Variants in NEO1 observed in about 807,000 individuals in gnomAD.
NEO1 encodes neogenin.
NEO1 carries 63 observed loss-of-function variants against 159.7 expected under a neutral mutation model. The ratio of observed to expected loss-of-function variants is 0.39; its 90% confidence interval spans 0.32 to 0.49. The LOEUF (loss-of-function observed/expected upper bound fraction) is 0.49. Ranked by LOEUF, NEO1 falls within the 20% of genes least tolerant of loss-of-function variation. The pLI, the probability that NEO1 is intolerant of heterozygous loss-of-function variation, is 0.85. For synonymous variants in NEO1, 633 were observed against 662.0 expected (o/e 0.96, Z 0.67); for missense variants, 1,615 against 1,831.0 (o/e 0.88, Z 2.15).
chr15:73,266,458 T>A, intron 16 of NEO1, 47 bp downstream of exon 16: 4 of 1,449,916 alleles, frequency 2.8e-6, no homozygotes, highest in Non-Finnish European at 3.8e-6. Flanking sequence ...TCCTAGCAGC[T>A]TAGGCAGAAT....
At chr15:73,140,282 G>A (rs193145809) in intron 5 of NEO1, among the ~76,000 whole-genome samples, 44 of 152,242 alleles carry the variant, frequency 2.9e-4, no homozygotes, top group African/African-American at 1.0e-3. Context: ...CTGGCTAGGC[G>A]CAGTGACTCA....
At chr15:73,194,237 A>G (rs1166796954) in intron 7 of NEO1, among the ~76,000 whole-genome samples, 1 of 152,202 alleles carries the variant, frequency 6.6e-6, no homozygotes, top group Non-Finnish European at 1.5e-5. Flanking sequence ...TTTTGTACCA[A>G]ATCAGATGTG....
chr15:73,164,155 G>A (rs1291961356), intron 5 of NEO1, among the ~76,000 whole-genome samples: 1 of 149,274 alleles, frequency 6.7e-6, no homozygotes, highest in East Asian at 2.0e-4. Context: ...AGCCTCCCAA[G>A]TAGCTGGGAT....
At chr15:73,237,494 G>A (rs931261113) in intron 8 of NEO1, among the ~76,000 whole-genome samples, 2 of 152,182 alleles carry the variant, frequency 1.3e-5, no homozygotes, top group Admixed American at 6.5e-5. Context: ...GCTAAGATAC[G>A]TGTTTTAGTA....
intron 8 of NEO1, among the ~76,000 whole-genome samples, chr15:73,241,116 A>G (rs941230785): frequency 6.6e-6 from 1 of 152,308 alleles, no homozygotes; most frequent in Middle Eastern, 3.4e-3. Context: ...TCTTATGGGT[A>G]CCTGAGTTGC....
chr15:73,242,193 G>A (rs979367215), intron 8 of NEO1, among the ~76,000 whole-genome samples: 4 of 152,124 alleles, frequency 2.6e-5, no homozygotes, highest in Admixed American at 2.6e-4. Flanking sequence ...CTCTCAGAGA[G>A]CCTTTAGTTT....
At chr15:73,132,080 T>C (rs1456148902) in intron 4 of NEO1, among the ~76,000 whole-genome samples, 1 of 152,246 alleles carries the variant, frequency 6.6e-6, no homozygotes, top group Non-Finnish European at 1.5e-5. Context: ...CTTCTATGTC[T>C]GTGTTTCCCA....
At chr15:73,218,614 G>A (rs1275058253) in intron 7 of NEO1, among the ~76,000 whole-genome samples, 2 of 151,784 alleles carry the variant, frequency 1.3e-5, no homozygotes, top group African/African-American at 4.8e-5. Flanking sequence ...TCCTGTTATT[G>A]GTCTATTCAG....
chr15:73,167,329 C>T (rs534165930), intron 5 of NEO1, among the ~76,000 whole-genome samples: 2 of 151,388 alleles, frequency 1.3e-5, no homozygotes, highest in Non-Finnish European at 2.9e-5. Flanking sequence ...AAACATCCCA[C>T]GACTCTAACT....
At chr15:73,220,001 G>T (rs984220088) in intron 7 of NEO1, among the ~76,000 whole-genome samples, 3 of 152,000 alleles carry the variant, frequency 2.0e-5, no homozygotes, top group African/African-American at 7.2e-5. Context: ...GTTAGTTGAT[G>T]CAGTTTCTTC....
chr15:73,274,966 A>G lies in NEO1; in HGVS notation c.3193+242A>G, dbSNP rs141888914. 3.1e-3 allele frequency among the ~76,000 whole-genome samples: 472 copies of G among 152,226 alleles called. 2 individuals are homozygous for G. The highest frequency in any genetic ancestry group is 0.011 in the African/African-American group (450 of 41,538). ...TAAACTGGTCCTGCAGCTGTAGGAG[A>G]TTCGTCTTAAGTGTGGATCAGATCA... On this transcript the variant is annotated intron_variant, in intron 21 of 28. Transcript: ENST00000261908.
chr15:73,124,246 T>A (rs2071840792), intron 3 of NEO1, among the ~76,000 whole-genome samples: 2 of 123,348 alleles, frequency 1.6e-5, no homozygotes, highest in South Asian at 5.3e-4. Flanking sequence ...GTATTTTTTT[T>A]AGAGATGGAT....
At chr15:73,230,319 G>T (rs1343709094) in intron 7 of NEO1, among the ~76,000 whole-genome samples, 1 of 151,994 alleles carries the variant, frequency 6.6e-6, no homozygotes, top group Admixed American at 6.6e-5. Context: ...ATGTCTGATT[G>T]GTTGGCAATT....
chr15:73,181,026 TA>T (rs1363788691), intron 7 of NEO1, among the ~76,000 whole-genome samples: 2 of 152,194 alleles, frequency 1.3e-5, no homozygotes, highest in Non-Finnish European at 2.9e-5. Flanking sequence ...TCCAGATGCA[TA>T]AATAAAGCAG....
chr15:73,236,281 G>T, intron 7 of NEO1, 66 bp from the exon 8 acceptor site: 1 of 1,611,710 alleles, frequency 6.2e-7, no homozygotes, highest in South Asian at 1.1e-5. Flanking sequence ...GTTTGCACAT[G>T]ACAAGATGTT....
At chr15:73,278,014 C>G in intron 21 of NEO1, 117 bp from the exon 22 acceptor site, 1 of 799,984 alleles carries the variant, frequency 1.3e-6, no homozygotes, top group Non-Finnish European at 2.0e-6. Context: ...ACTTTATTTT[C>G]TCATGGACAG....
At chr15:73,234,425 C>T (rs2039067927) in intron 7 of NEO1, among the ~76,000 whole-genome samples, 1 of 152,156 alleles carries the variant, frequency 6.6e-6, no homozygotes, top group Non-Finnish European at 1.5e-5. Flanking sequence ...TCTTTGACTC[C>T]TTCCTAACCT....
chr15:73,062,346 A>G (rs565356044), intron 1 of NEO1, among the ~76,000 whole-genome samples: 5 of 152,202 alleles, frequency 3.3e-5, no homozygotes, highest in Non-Finnish European at 5.9e-5. Flanking sequence ...TCATATATCT[A>G]TATCTTTTAT....
intron 1 of NEO1, among the ~76,000 whole-genome samples, chr15:73,077,525 G>A (rs186564308): frequency 2.0e-5 from 3 of 152,300 alleles, no homozygotes; most frequent in Admixed American, 2.0e-4. Flanking sequence ...GACTTTCTCT[G>A]ATTTAAGATG....
Sources: gnomAD v4.1 joint callset for allele counts (sites outside exome capture counted in the v4.1 genomes callset) on GRCh38, gnomAD v4.1.1 for gene constraint, MANE v1.5 for transcripts, NCBI Gene and HGNC (gene_info 2026-07-23, HGNC 2026-07-21) for gene names.